INO80D: variants seen among roughly 807,000 people sequenced by gnomAD.
INO80D encodes INO80 complex subunit D.
Under a neutral mutation model 87.6 loss-of-function variants are expected in INO80D, and 21 were observed. That is an observed-to-expected ratio of 0.24 (90% CI 0.17 to 0.35). The LOEUF (loss-of-function observed/expected upper bound fraction) is 0.35, where lower values mean the gene tolerates loss of function less well. INO80D is among the 10% of genes least tolerant of loss of function. The pLI is 1.00. For missense variants in INO80D, 982 were observed against 1,280.7 expected, an observed-to-expected ratio of 0.77 and a Z score of 3.56; for synonymous variants, 440 against 491.0, an observed-to-expected ratio of 0.90 and a Z score of 1.37.
intron 1 of INO80D, among the ~76,000 whole-genome samples, chr2:206,072,845 TC>T (rs1321336847): frequency 1.5e-5 from 2 of 135,746 alleles, no homozygotes; most frequent in African/African-American, 3.1e-5. Flanking sequence ...AACTTTCTTC[TC>T]TTTTTTTTTT....
chr2:206,028,245 C>T lies in INO80D; in HGVS notation c.1164G>A (p.Leu388=). ...TCTTTTGACGAGATTCTGCCCGCTC[C>T]AGGCGGCAGAGGTGCTTATATTTCT... is the stretch of plus-strand genomic sequence containing the variant. ...FQQKYKHLCR[L]ERAESRQKKC... Residue 388 remains leucine (L), a synonymous_variant, in exon 6 of 11, where the codon CTG becomes CTA. Coordinates refer to ENST00000403263, the MANE Select transcript of INO80D (RefSeq NM_017759.5). 2 of 1,613,830 alleles carry T rather than the reference C, an allele frequency of 1.2e-6. No individual in the cohort carries two copies. Among genetic ancestry groups the T allele is most frequent in the South Asian group, 1.1e-5 (1 of 91,074 alleles).
chr2:206,058,120 T>A (rs1373824226), intron 3 of INO80D, among the ~76,000 whole-genome samples: 2 of 152,170 alleles, frequency 1.3e-5, no homozygotes, highest in African/African-American at 4.8e-5. Context: ...CTCTTCATGC[T>A]ATTTTAAAAA....
chr2:205,999,025 T>A lies in INO80D; in HGVS notation c.*5343A>T, dbSNP rs1279847689. 6.6e-6 allele frequency: 1 copy of A among 152,136 alleles called. No homozygotes were observed. Among genetic ancestry groups the A allele is most frequent in the Non-Finnish European group, 1.5e-5 (1 of 68,042 alleles). The allele number at this position is 152,136 out of a possible 1,614,324, so 9.4% of individuals were successfully genotyped here. On this transcript the variant is annotated 3_prime_UTR_variant, in exon 11 of 11. Coordinates refer to ENST00000403263, the MANE Select transcript of INO80D (RefSeq NM_017759.5). ...GCCAACTGTACCTTAATGATGCAGG[T>A]TGGAGTCATTTTAGGGCAAATCAGT... is the stretch of plus-strand genomic sequence containing the variant.
At chr2:206,016,106 A>G (rs766272697) in intron 8 of INO80D, among the ~76,000 whole-genome samples, 2 of 152,166 alleles carry the variant, frequency 1.3e-5, no homozygotes, top group Non-Finnish European at 2.9e-5. Flanking sequence ...AGCTTGCACC[A>G]TGCACCTGGA....
chr2:206,020,999 C>G (rs1413359657), intron 6 of INO80D, among the ~76,000 whole-genome samples: 1 of 151,806 alleles, frequency 6.6e-6, no homozygotes, highest in Non-Finnish European at 1.5e-5. Context: ...TAGGGAGATC[C>G]CCATCTCTAT....
chr2:206,005,929 G>C (rs1688011990), intron 10 of INO80D, among the ~76,000 whole-genome samples: 1 of 152,154 alleles, frequency 6.6e-6, no homozygotes, highest in African/African-American at 2.4e-5. Flanking sequence ...TGAGAGAAAA[G>C]GCTGTGTAGA....
At chr2:206,006,676 C>T (rs1199894443) in intron 10 of INO80D, among the ~76,000 whole-genome samples, 1 of 145,082 alleles carries the variant, frequency 6.9e-6, no homozygotes, top group Non-Finnish European at 1.5e-5. Flanking sequence ...GAGCGAGACT[C>T]CATCTCAAAA....
intron 3 of INO80D, among the ~76,000 whole-genome samples, chr2:206,060,144 G>A (rs1055271937): frequency 1.3e-5 from 2 of 152,112 alleles, no homozygotes; most frequent in African/African-American, 4.8e-5. Flanking sequence ...GTTCAAGGCT[G>A]TAGTGAGCTA....
chr2:206,039,306 A>G (rs1431246932), intron 5 of INO80D, among the ~76,000 whole-genome samples: 1 of 151,818 alleles, frequency 6.6e-6, no homozygotes, highest in Non-Finnish European at 1.5e-5. Context: ...CTGAGGCAAG[A>G]GAATCACTTG....
intron 5 of INO80D, among the ~76,000 whole-genome samples, chr2:206,045,241 T>C (rs942314799): frequency 2.0e-5 from 3 of 152,208 alleles, no homozygotes; most frequent in African/African-American, 7.2e-5. Flanking sequence ...TATTTGATGA[T>C]TGTATTTCTC....
At chr2:206,068,087 T>C (rs1310442709) in intron 1 of INO80D, among the ~76,000 whole-genome samples, 1 of 152,104 alleles carries the variant, frequency 6.6e-6, no homozygotes, top group Non-Finnish European at 1.5e-5. Flanking sequence ...GGCACTGTGT[T>C]GTGTTTTATT....
At chr2:206,068,242 G>A (rs1689870987) in intron 1 of INO80D, among the ~76,000 whole-genome samples, 1 of 152,132 alleles carries the variant, frequency 6.6e-6, no homozygotes, top group Admixed American at 6.5e-5. Flanking sequence ...AGGACTACAA[G>A]TATGTGCCAC....
At chr2:206,041,302 T>C (rs1431122761) in intron 5 of INO80D, among the ~76,000 whole-genome samples, 5 of 152,160 alleles carry the variant, frequency 3.3e-5, no homozygotes, top group Non-Finnish European at 5.9e-5. Flanking sequence ...GACCCAGTAA[T>C]ACATTGCCAG....
At chr2:206,008,313 C>T (rs1688082352) in intron 9 of INO80D, among the ~76,000 whole-genome samples, 1 of 119,726 alleles carries the variant, frequency 8.4e-6, no homozygotes, top group African/African-American at 3.2e-5. Flanking sequence ...TGGAGTCTTG[C>T]TCTGTCGCCC....
chr2:206,052,808 A>G (rs1458271474), intron 4 of INO80D, among the ~76,000 whole-genome samples: 1 of 150,740 alleles, frequency 6.6e-6, no homozygotes, highest in Non-Finnish European at 1.5e-5. Context: ...AAAAAAAATT[A>G]TATTTTAAAT....
At position 206,056,679 on chromosome 2, in the gene INO80D, C is replaced by A; in HGVS notation, c.483G>T (p.Lys161Asn). ...ACTTCTTTCTCACAGTTGCCCCTTT[C>A]TTTAGGTCATCATCTTCCTCATTGA... ...FAFNEEDDDL[K>N]KGATVRKKLQ... Residue 161 changes from lysine (K) to asparagine (N), a missense_variant, in exon 4 of 11, where the codon AAG becomes AAT. Coordinates refer to ENST00000403263, the MANE Select transcript of INO80D (RefSeq NM_017759.5). The A allele has an allele frequency of 2.5e-6, 4 of 1,613,584 alleles. No homozygotes were observed. The highest frequency in any genetic ancestry group is 3.4e-6 in the Non-Finnish European group (4 of 1,179,752).
intron 4 of INO80D, among the ~76,000 whole-genome samples, chr2:206,054,191 T>TC (rs1689453325): frequency 6.6e-6 from 1 of 151,532 alleles, no homozygotes; most frequent in African/African-American, 2.4e-5. Flanking sequence ...TTCTTTTTTT[T>TC]TTTTTTATAC....
At position 206,046,492 on chromosome 2, in the gene INO80D, C is replaced by G. The variant is rs775537437; in HGVS notation, c.1073+12G>C. 3.3e-6 allele frequency: 5 copies of G among 1,524,250 alleles called. No homozygotes were observed. The highest frequency in any genetic ancestry group is 1.7e-5 in the Admixed American group (1 of 59,814). 94.4% of individuals were successfully genotyped at this position (1,524,250 alleles called of 1,614,324 possible). ...CAAAAAAAAAAGAATAAAAACAGAA[C>G]AGAAGACTTACGCATGTCTTTGATA... On this transcript the variant is annotated intron_variant, in intron 5 of 10. Coordinates refer to ENST00000403263, the MANE Select transcript of INO80D (RefSeq NM_017759.5).
chr2:205,998,560 G>A lies in INO80D; in HGVS notation c.*5808C>T, dbSNP rs924444432. ...TAGTATAAAACTTATAATTTATGAGGTGATGTTAATAGCATAAATTAATAT... is the reference window on the plus strand; with the variant it reads ...TAGTATAAAACTTATAATTTATGAGATGATGTTAATAGCATAAATTAATAT... On this transcript the variant is annotated 3_prime_UTR_variant, in exon 11 of 11. Transcript: ENST00000403263. 6.6e-6 allele frequency: 1 copy of A among 151,678 alleles called. No homozygotes were observed. The highest frequency in any genetic ancestry group is 1.5e-5 in the Non-Finnish European group (1 of 67,978). The allele number at this position is 151,678 out of a possible 1,614,324, so 9.4% of individuals were successfully genotyped here. A position where few individuals can be genotyped will look rare whatever the true frequency, so the allele number is the denominator to read the frequency against.
Sources: gnomAD v4.1 joint callset for allele counts (sites outside exome capture counted in the v4.1 genomes callset) on GRCh38, gnomAD v4.1.1 for gene constraint, MANE v1.5 for transcripts, NCBI Gene and HGNC (gene_info 2026-07-23, HGNC 2026-07-21) for gene names.